The following GALNT9 variants were observed in gnomAD, a reference collection of about 807,000 sequenced individuals.
GALNT9 encodes the protein polypeptide N-acetylgalactosaminyltransferase 9, also known as GalNAc transferase 9.
A neutral mutation model predicts 63.1 loss-of-function variants in GALNT9; 47 were observed. The observed-to-expected ratio is 0.75, with a 90% CI of 0.59 to 0.95. The LOEUF is 0.95. Ranked by LOEUF, GALNT9 falls within the 40% of genes least tolerant of loss-of-function variation. GALNT9 has a pLI of 0.00. For synonymous variants in GALNT9, 396 were observed against 365.7 expected (o/e 1.08, Z -0.94); for missense variants, 829 against 874.8 (o/e 0.95, Z 0.66).
chr12:132,197,767 C>A, intron 10 of GALNT9, 25 bp downstream of exon 10: 2 of 1,459,816 alleles, frequency 1.4e-6, no homozygotes, highest in Non-Finnish European at 1.9e-6. Context: ...CCCAACCCCA[C>A]GGCCCCCCTT....
At chr12:132,273,543 C>T (rs1476425164) in intron 2 of GALNT9, 2 of 152,700 alleles carry the variant, frequency 1.3e-5, no homozygotes, top group Non-Finnish European at 2.9e-5. Context: ...AGCCCTGGCC[C>T]CTGGCCCTGT....
chr12:132,311,136 G>C (rs1373980413), intron 1 of GALNT9, among the ~76,000 whole-genome samples: 1 of 152,220 alleles, frequency 6.6e-6, no homozygotes, highest in African/African-American at 2.4e-5. Flanking sequence ...GAAATTGCTA[G>C]GCCAGAAGTG....
intron 6 of GALNT9, among the ~76,000 whole-genome samples, chr12:132,240,044 G>A (rs1017375858): frequency 8.5e-5 from 13 of 152,194 alleles, no homozygotes; most frequent in Non-Finnish European, 1.8e-4. Flanking sequence ...CTAAACACAG[G>A]AAGATCCACA....
chr12:132,230,607 G>C (rs1427021801), intron 6 of GALNT9, among the ~76,000 whole-genome samples: 1 of 149,448 alleles, frequency 6.7e-6, no homozygotes, highest in Admixed American at 6.6e-5. Context: ...CTCGTGGCGG[G>C]GAAGTCCTCA....
At chr12:132,275,024 A>T (rs1555241075) in intron 2 of GALNT9, 1 of 152,282 alleles carries the variant, frequency 6.6e-6, no homozygotes, top group Non-Finnish European at 1.5e-5. Flanking sequence ...CTTCTAAGCC[A>T]TGTATCAGGG....
At position 132,286,520 on chromosome 12, in the gene GALNT9, G is replaced by A. The variant is rs937225570; in HGVS notation, c.239-90C>T. 9.7e-6 allele frequency: 14 copies of A among 1,450,064 alleles called. No individual in the cohort carries two copies. The highest frequency in any genetic ancestry group is 7.5e-5 in the East Asian group (3 of 39,898). The allele number at this position is 1,450,064 out of a possible 1,614,324, so 89.8% of individuals were successfully genotyped here. A position where few individuals can be genotyped will look rare whatever the true frequency, so the allele number is the denominator to read the frequency against. On this transcript the variant is annotated intron_variant, in intron 1 of 10. Coordinates refer to ENST00000328957, the MANE Select transcript of GALNT9 (RefSeq NM_001122636.2). This position sits in a 1 kb window ranked among gnomAD's most constrained non-coding sequence, Gnocchi z 7.4. ...CGCCCCTCCCGCCCCTCTCCCCGAC[G>A]GCCGCTTCCCCCGGTACAAGCCCAG...
chr12:132,294,363 C>T (rs1430670154), intron 1 of GALNT9, among the ~76,000 whole-genome samples: 1 of 152,246 alleles, frequency 6.6e-6, no homozygotes, highest in Non-Finnish European at 1.5e-5. Context: ...AGCCTGAGAA[C>T]AGTGCTTCTC....
At chr12:132,248,062 C>T (rs1555238252) in intron 5 of GALNT9, 35 bp from the exon 6 acceptor site, 1 of 1,531,000 alleles carries the variant, frequency 6.5e-7, no homozygotes, top group Non-Finnish European at 8.8e-7. Flanking sequence ...AGGACCTCGC[C>T]ATGCAGGCCT....
chr12:132,239,441 C>CAGAGACAGAGAGGCAGAG (rs1555236654), intron 6 of GALNT9, among the ~76,000 whole-genome samples: 1 of 147,094 alleles, frequency 6.8e-6, no homozygotes, highest in Non-Finnish European at 1.5e-5. Flanking sequence ...GAGACAGAGT[C>CAGAGACAGAGAGGCAGAG]AGAGACAGAG....
chr12:132,256,700 G>A (rs1469093843), intron 5 of GALNT9, among the ~76,000 whole-genome samples: 5 of 151,118 alleles, frequency 3.3e-5, no homozygotes, highest in Middle Eastern at 3.4e-3. Flanking sequence ...GGGGACACTG[G>A]AGTGGGTTTC....
chr12:132,235,497 C>T (rs938509389), intron 6 of GALNT9, among the ~76,000 whole-genome samples: 2 of 152,086 alleles, frequency 1.3e-5, no homozygotes, highest in Non-Finnish European at 2.9e-5. Flanking sequence ...AGCTGGGGCA[C>T]AGCTCGGAGG....
rs564731686 is a variant in GALNT9 at position 132,217,176 on chromosome 12, A to G, written c.1078-13486T>C. 2.0e-5 allele frequency among the ~76,000 whole-genome samples: 3 copies of G among 151,992 alleles called. No homozygotes were observed. In the East Asian group the frequency reaches 5.8e-4, roughly 29 times the overall value. On this transcript the variant is annotated intron_variant, in intron 6 of 10. Coordinates refer to ENST00000328957, the MANE Select transcript of GALNT9 (RefSeq NM_001122636.2). Reference sequence around the variant, plus strand: ...CCACCTAGCCACTATCTATCCACCCATCCACGCGGACTCATCCATCCATCC... The same window carrying G: ...CCACCTAGCCACTATCTATCCACCCGTCCACGCGGACTCATCCATCCATCC...
chr12:132,207,330 G>C (rs1051026256), intron 6 of GALNT9, among the ~76,000 whole-genome samples: 11 of 152,226 alleles, frequency 7.2e-5, no homozygotes, highest in South Asian at 6.2e-4. Context: ...GCACACAGTA[G>C]GTGCTTGATA....
rs765385086 is a variant in GALNT9 at position 132,197,775 on chromosome 12, C to G, written c.1665+17G>C. ...GCCCCGCCCCAACCCCACGGCCCCCCTTCCCCAGAGGCTGACCTGGGTGAA... is the reference window on the plus strand; with the variant it reads ...GCCCCGCCCCAACCCCACGGCCCCCGTTCCCCAGAGGCTGACCTGGGTGAA... On this transcript the variant is annotated intron_variant, in intron 10 of 10. Coordinates refer to ENST00000328957, the MANE Select transcript of GALNT9 (RefSeq NM_001122636.2). The G allele has an allele frequency of 1.3e-6, 2 of 1,530,620 alleles. No homozygotes were observed. Among genetic ancestry groups the G allele is most frequent in the Non-Finnish European group, 1.8e-6 (2 of 1,127,980 alleles). 94.8% of individuals were successfully genotyped at this position (1,530,620 alleles called of 1,614,324 possible). A position where few individuals can be genotyped will look rare whatever the true frequency, so the allele number is the denominator to read the frequency against.
At chr12:132,253,292 C>G (rs2135538466) in intron 5 of GALNT9, among the ~76,000 whole-genome samples, 1 of 151,968 alleles carries the variant, frequency 6.6e-6, no homozygotes, top group South Asian at 2.1e-4. Context: ...TCCAGCCTCC[C>G]ACAGGAAGCT....
intron 1 of GALNT9, among the ~76,000 whole-genome samples, chr12:132,304,514 CGCCCGG>C (rs1555244331): frequency 1.5e-5 from 1 of 64,972 alleles, no homozygotes; most frequent in Non-Finnish European, 2.7e-5. Context: ...GGCACACCCT[CGCCCGG>C]ACACACCCTC....
intron 6 of GALNT9, among the ~76,000 whole-genome samples, chr12:132,222,943 A>ACC (rs1877518564): frequency 2.1e-5 from 1 of 47,188 alleles, no homozygotes. Flanking sequence ...CCCCACACAC[A>ACC]CCACACAACT....
chr12:132,311,266 G>A (rs1315096715), intron 1 of GALNT9, among the ~76,000 whole-genome samples: 1 of 152,178 alleles, frequency 6.6e-6, no homozygotes. Context: ...GAAATCAGAG[G>A]TGCCAAATAG....
intron 1 of GALNT9, among the ~76,000 whole-genome samples, chr12:132,322,708 T>C (rs1215339995): frequency 2.6e-5 from 4 of 152,154 alleles, no homozygotes; most frequent in African/African-American, 9.7e-5. Flanking sequence ...GGAGCAGGCC[T>C]GGGCGGCTTC....
Sources: gnomAD v4.1 joint callset for allele counts (sites outside exome capture counted in the v4.1 genomes callset) on GRCh38, gnomAD v4.1.1 for gene constraint, Gnocchi (gnomAD v3.1) non-coding constraint, MANE v1.5 for transcripts, NCBI Gene and HGNC (gene_info 2026-07-23, HGNC 2026-07-21) for gene names.